The following RPGRIP1L variants were observed in gnomAD, a reference collection of about 807,000 sequenced individuals.
The protein encoded by RPGRIP1L is RPGRIP1 like, also known as protein fantom.
RPGRIP1L carries 131 observed loss-of-function variants against 160.4 expected under a neutral mutation model. The observed-to-expected ratio is 0.82, with a 90% CI of 0.71 to 0.94. RPGRIP1L has a LOEUF of 0.94. RPGRIP1L is among the 40% of genes least tolerant of loss of function. The pLI is 0.00. For missense variants in RPGRIP1L, 1,522 were observed against 1,535.8 expected (o/e 0.99, Z 0.15); for synonymous variants, 510 against 515.8 (o/e 0.99, Z 0.15).
At chr16:53,649,807 T>A (rs556717257) in intron 15 of RPGRIP1L, among the ~76,000 whole-genome samples, 3 of 152,204 alleles carry the variant, frequency 2.0e-5, no homozygotes, top group Non-Finnish European at 2.9e-5. Flanking sequence ...CACTGACTTC[T>A]TTGGCCCGTC....
In RPGRIP1L at chr16:53,686,344, A is replaced by G. The variant is rs72803655; in HGVS notation, c.776+89T>C. The stretch of plus-strand genomic sequence containing the variant: ...AAGTAAAAACATGATTTTTAAATAG[A>G]CTAGATAAACTTATCCTTTTATGGC... On this transcript the variant is annotated intron_variant, in intron 6 of 26. Coordinates refer to ENST00000647211, the MANE Select transcript of RPGRIP1L (RefSeq NM_015272.5). 16,701 of 1,327,284 alleles carry G rather than the reference A, an allele frequency of 0.013. 165 individuals are homozygous for G. The highest frequency in any genetic ancestry group is 0.016 in the Non-Finnish European group (14,776 of 942,566). 82.2% of individuals were successfully genotyped at this position (1,327,284 alleles called of 1,614,324 possible).
chr16:53,609,454 A>G (rs1373366965), intron 25 of RPGRIP1L, among the ~76,000 whole-genome samples: 2 of 152,136 alleles, frequency 1.3e-5, no homozygotes, highest in African/African-American at 2.4e-5. Context: ...GAGGAAAGGC[A>G]GGTCTAACAC....
intron 6 of RPGRIP1L, among the ~76,000 whole-genome samples, chr16:53,685,968 A>T (rs1184943321): frequency 6.6e-6 from 1 of 152,226 alleles, no homozygotes; most frequent in Non-Finnish European, 1.5e-5. Flanking sequence ...CAGCCAACAG[A>T]TTGCAATCCA....
intron 25 of RPGRIP1L, among the ~76,000 whole-genome samples, chr16:53,606,409 G>T (rs909321547): frequency 2.6e-5 from 4 of 152,134 alleles, no homozygotes; most frequent in African/African-American, 7.2e-5. Context: ...TTTTCAAAAT[G>T]TATCCATCCC....
At chr16:53,663,325 A>G (rs1967963510) in intron 10 of RPGRIP1L, among the ~76,000 whole-genome samples, 1 of 152,068 alleles carries the variant, frequency 6.6e-6, no homozygotes, top group Non-Finnish European at 1.5e-5. Context: ...TAACAAAAAA[A>G]CCAAGATTTT....
chr16:53,697,894 C>T (rs376358376), intron 2 of RPGRIP1L, among the ~76,000 whole-genome samples: 3 of 150,936 alleles, frequency 2.0e-5, no homozygotes, highest in Non-Finnish European at 4.4e-5. Context: ...TCTGCCCGGC[C>T]GCCATCCCAT....
At chr16:53,695,813 C>A (rs1310372008) in intron 3 of RPGRIP1L, 2 of 320,404 alleles carry the variant, frequency 6.2e-6, no homozygotes, top group East Asian at 1.5e-4. Context: ...TTAAAACTTT[C>A]ATTTTAAAAT....
At chr16:53,688,810 A>G (rs544023655) in intron 4 of RPGRIP1L, among the ~76,000 whole-genome samples, 21 of 152,134 alleles carry the variant, frequency 1.4e-4, no homozygotes, top group Admixed American at 3.9e-4. Flanking sequence ...AACTAGAACA[A>G]TGGAACTATT....
At chr16:53,622,844 C>CACACAA (rs1180456511) in intron 22 of RPGRIP1L, among the ~76,000 whole-genome samples, 1 of 132,410 alleles carries the variant, frequency 7.6e-6, no homozygotes, top group African/African-American at 2.6e-5. Flanking sequence ...CACACACACA[C>CACACAA]AAATAGCCAG....
Position 53,656,531 on chromosome 16 carries a change from T to G in RPGRIP1L, c.1640A>C (p.Lys547Thr). The part of the protein sequence containing the change: ...MENLQQDYEL[K>T]VEQYVHLLDI... Reference sequence around the variant, plus strand: ...AAGAAGATGAACATACTGTTCCACTTTGAGTTCATAATCTTGCTGCAAATT... The same window carrying G: ...AAGAAGATGAACATACTGTTCCACTGTGAGTTCATAATCTTGCTGCAAATT... The change falls in exon 14 of 27, where the codon AAA (lysine) becomes ACA (threonine). Residue 547 changes from lysine (K) to threonine (T), a missense_variant. Coordinates refer to ENST00000647211, the MANE Select transcript of RPGRIP1L (RefSeq NM_015272.5). 1 of 1,614,094 alleles carries G rather than the reference T, an allele frequency of 6.2e-7. No individual in the cohort carries two copies. The highest frequency in any genetic ancestry group is 8.5e-7 in the Non-Finnish European group (1 of 1,179,958).
chr16:53,603,674 A>G (rs1164656126), intron 26 of RPGRIP1L, among the ~76,000 whole-genome samples: 2 of 147,956 alleles, frequency 1.4e-5, no homozygotes, highest in Non-Finnish European at 3.0e-5. Context: ...TTGAACTTTA[A>G]TGTGTGTGTG....
At chr16:53,663,681 T>A (rs1253904392) in intron 10 of RPGRIP1L, among the ~76,000 whole-genome samples, 2 of 152,110 alleles carry the variant, frequency 1.3e-5, no homozygotes, top group African/African-American at 4.8e-5. Flanking sequence ...ATCACCATTT[T>A]ATTCCACTCA....
At chr16:53,670,236 G>A (rs1403019501) in intron 9 of RPGRIP1L, among the ~76,000 whole-genome samples, 1 of 152,058 alleles carries the variant, frequency 6.6e-6, no homozygotes, top group Non-Finnish European at 1.5e-5. Flanking sequence ...CACTCCTTGG[G>A]TATAATTTGT....
chr16:53,665,037 A>G, intron 9 of RPGRIP1L, 28 bp from the exon 10 acceptor site: 1 of 1,612,816 alleles, frequency 6.2e-7, no homozygotes, highest in Non-Finnish European at 8.5e-7. Context: ...CATGCAAGGA[A>G]AGCTTGGAAA....
rs186642044 is a variant in RPGRIP1L, at chr16:53,694,862, G to A, written c.230+1289C>T. 81 of 154,654 alleles carry A rather than the reference G, an allele frequency of 5.2e-4. 1 individual carries two copies. Among genetic ancestry groups the A allele is most frequent in the East Asian group, 3.2e-3 (17 of 5,258 alleles). 9.6% of individuals were successfully genotyped at this position (154,654 alleles called of 1,614,324 possible). ...AAGACAGTTCTACCCATGTATCTAGGTCACAGTCAGTGGTGTGAGATCGAG... is the reference window on the plus strand; with the variant it reads ...AAGACAGTTCTACCCATGTATCTAGATCACAGTCAGTGGTGTGAGATCGAG... On this transcript the variant is annotated intron_variant, in intron 3 of 26. Transcript: ENST00000647211.
At chr16:53,688,761 A>C (rs150467152) in intron 4 of RPGRIP1L, among the ~76,000 whole-genome samples, 1,726 of 152,190 alleles carry the variant, frequency 0.011, 29 homozygotes, top group African/African-American at 0.039. Context: ...GCATATTCTC[A>C]GTAAAGAGAA....
intron 1 of RPGRIP1L, among the ~76,000 whole-genome samples, chr16:53,702,081 T>C (rs1350201812): frequency 3.9e-5 from 6 of 152,138 alleles, no homozygotes; most frequent in Admixed American, 3.9e-4. Context: ...ATAATGATGA[T>C]GATGATGATG....
At chr16:53,642,356 T>C (rs1490793589) in intron 17 of RPGRIP1L, among the ~76,000 whole-genome samples, 1 of 151,920 alleles carries the variant, frequency 6.6e-6, no homozygotes, top group Non-Finnish European at 1.5e-5. Context: ...CAAACCTAAA[T>C]TTCAGGCATT....
intron 9 of RPGRIP1L, among the ~76,000 whole-genome samples, chr16:53,667,069 T>G (rs953081318): frequency 6.6e-6 from 1 of 152,202 alleles, no homozygotes; most frequent in South Asian, 2.1e-4. Flanking sequence ...AATCTGCATA[T>G]GAGAACAGTC....
Sources: allele counts gnomAD v4.1 joint callset (sites outside exome capture counted in the v4.1 genomes callset), GRCh38; gene constraint gnomAD v4.1.1; transcripts MANE v1.5; gene names NCBI Gene and HGNC (gene_info 2026-07-23, HGNC 2026-07-21).